NRXN1: variants seen among roughly 807,000 people sequenced by gnomAD.
NRXN1 encodes the protein neurexin-1.
Under a neutral mutation model 150.9 loss-of-function variants are expected in NRXN1, and 39 were observed. That is an observed-to-expected ratio of 0.26 (90% CI 0.20 to 0.34). The LOEUF is 0.34. NRXN1 is among the 10% of genes least tolerant of loss of function. The pLI is 1.00. For synonymous variants in NRXN1, 924 were observed against 757.0 expected (o/e 1.22, Z -3.62); for missense variants, 1,815 against 1,949.9 (o/e 0.93, Z 1.30).
chr2:50,647,343 A>G (rs1403595494), intron 5 of NRXN1, among the ~76,000 whole-genome samples: 1 of 151,982 alleles, frequency 6.6e-6, no homozygotes, highest in Non-Finnish European at 1.5e-5. Flanking sequence ...CAATTCAGAA[A>G]AATCCCTTAA....
At chr2:50,106,622 A>G (rs1701681223) in intron 18 of NRXN1, among the ~76,000 whole-genome samples, 1 of 151,978 alleles carries the variant, frequency 6.6e-6, no homozygotes, top group Non-Finnish European at 1.5e-5. Context: ...GGTAACATTA[A>G]GCTTTTGATA....
intron 8 of NRXN1, among the ~76,000 whole-genome samples, chr2:50,566,366 C>T (rs1669842119): frequency 6.6e-6 from 1 of 151,900 alleles, no homozygotes; most frequent in Non-Finnish European, 1.5e-5. Flanking sequence ...GCCTCAGCCT[C>T]CCAAGTAGCT....
intron 8 of NRXN1, among the ~76,000 whole-genome samples, chr2:50,585,003 A>G (rs544540064): frequency 2.0e-5 from 3 of 152,198 alleles, no homozygotes; most frequent in Admixed American, 2.0e-4. Context: ...TCGTGCACAC[A>G]AAGTTTTTTT....
intron 17 of NRXN1, among the ~76,000 whole-genome samples, chr2:50,301,511 A>C (rs540605018): frequency 3.3e-5 from 5 of 152,310 alleles, no homozygotes; most frequent in Admixed American, 2.0e-4. Context: ...AAAATTGCAT[A>C]ACTGTGTTTA....
At chr2:50,376,162 C>G (rs1572735056) in intron 17 of NRXN1, among the ~76,000 whole-genome samples, 1 of 151,754 alleles carries the variant, frequency 6.6e-6, no homozygotes, top group African/African-American at 2.4e-5. Context: ...AACACATACA[C>G]AAATTGCAAT....
At chr2:50,270,292 T>C (rs931776971) in intron 17 of NRXN1, among the ~76,000 whole-genome samples, 2 of 152,280 alleles carry the variant, frequency 1.3e-5, no homozygotes, top group East Asian at 1.9e-4. Context: ...GGAAAGTAAA[T>C]TGTGAATTGC....
chr2:50,710,627 T>A (rs1695026653), intron 5 of NRXN1, among the ~76,000 whole-genome samples: 2 of 152,198 alleles, frequency 1.3e-5, no homozygotes, highest in African/African-American at 4.8e-5. Context: ...CATCTTTGAA[T>A]AAGTTAAGAA....
intron 17 of NRXN1, among the ~76,000 whole-genome samples, chr2:50,239,673 T>TGG (rs2065814238): frequency 3.3e-5 from 1 of 30,210 alleles, no homozygotes; most frequent in Non-Finnish European, 6.6e-5. Flanking sequence ...TATATATATA[T>TGG]ATATATATAT....
At chr2:50,557,898 T>A (rs561433625) in intron 8 of NRXN1, among the ~76,000 whole-genome samples, 23 of 152,326 alleles carry the variant, frequency 1.5e-4, no homozygotes, top group Admixed American at 1.4e-3. Context: ...TGGGGCTTCC[T>A]TTTTCATGCT....
intron 19 of NRXN1, among the ~76,000 whole-genome samples, chr2:50,089,532 A>G (rs1214745343): frequency 6.6e-6 from 1 of 152,194 alleles, no homozygotes; most frequent in African/African-American, 2.4e-5. Flanking sequence ...CATGCCTGTA[A>G]TCCCAGCACT....
intron 5 of NRXN1, among the ~76,000 whole-genome samples, chr2:50,742,023 A>G (rs1161401814): frequency 6.6e-6 from 1 of 152,164 alleles, no homozygotes; most frequent in East Asian, 1.9e-4. Context: ...ATAACTCACA[A>G]CCACAAAAAA....
intron 19 of NRXN1, among the ~76,000 whole-genome samples, chr2:50,080,411 G>C (rs1317167619): frequency 6.6e-6 from 1 of 152,106 alleles, no homozygotes; most frequent in African/African-American, 2.4e-5. Flanking sequence ...GGCATCCAAT[G>C]AGAGTCTTGG....
chr2:50,980,912 G>T (rs2104881001), intron 2 of NRXN1, among the ~76,000 whole-genome samples: 1 of 152,098 alleles, frequency 6.6e-6, no homozygotes, highest in Middle Eastern at 3.4e-3. Context: ...AATATACCCT[G>T]CTGTGCCCTA....
intron 22 of NRXN1, among the ~76,000 whole-genome samples, chr2:49,925,085 A>C (rs984155996): frequency 6.6e-6 from 1 of 151,996 alleles, no homozygotes; most frequent in Admixed American, 6.6e-5. Flanking sequence ...AGGTCAAGAG[A>C]TGCAGACCAT....
intron 18 of NRXN1, among the ~76,000 whole-genome samples, chr2:50,202,946 C>T (rs2062289557): frequency 6.6e-6 from 1 of 151,974 alleles, no homozygotes; most frequent in Middle Eastern, 3.4e-3. Flanking sequence ...GTGAAAGGGA[C>T]ACAGACCAGA....
rs532056754 is a variant in NRXN1, at chr2:50,216,642, T to A, written c.3546+20147A>T. Among the ~76,000 whole-genome samples, 16 of 149,954 alleles carry A rather than the reference T, an allele frequency of 1.1e-4. No individual in the cohort carries two copies. The South Asian group carries it at 3.0e-3, about 28-fold the overall frequency. ...ATTTTTCTGTTTTCAAGCCATTATTTAAAAAAAAAATCAGAGTGCTTTATT... is the reference window on the plus strand; with the variant it reads ...ATTTTTCTGTTTTCAAGCCATTATTAAAAAAAAAAATCAGAGTGCTTTATT... On this transcript the variant is annotated intron_variant, in intron 18 of 22. Coordinates refer to ENST00000401669, the MANE Select transcript of NRXN1 (RefSeq NM_001330078.2).
chr2:49,978,877 T>A (rs1414976136), intron 21 of NRXN1, among the ~76,000 whole-genome samples: 1 of 152,110 alleles, frequency 6.6e-6, no homozygotes, highest in Non-Finnish European at 1.5e-5. Context: ...TGTAGAGAGG[T>A]TAAATAATTT....
intron 17 of NRXN1, among the ~76,000 whole-genome samples, chr2:50,384,998 G>C (rs925792241): frequency 1.3e-5 from 2 of 152,130 alleles, no homozygotes; most frequent in Non-Finnish European, 2.9e-5. Context: ...AACTCCATCT[G>C]TTTAGAGACC....
chr2:50,957,576 C>T (rs996926678), intron 2 of NRXN1, among the ~76,000 whole-genome samples: 13 of 151,974 alleles, frequency 8.6e-5, no homozygotes, highest in African/African-American at 7.3e-5. Context: ...TTGTGATATC[C>T]CTGGCATAAT....
Sources: gnomAD v4.1 joint callset for allele counts (sites outside exome capture counted in the v4.1 genomes callset) on GRCh38, gnomAD v4.1.1 for gene constraint, MANE v1.5 for transcripts, NCBI Gene and HGNC (gene_info 2026-07-23, HGNC 2026-07-21) for gene names.